UST: variants seen among roughly 807,000 people sequenced by gnomAD.
The protein encoded by UST is chondroitin sulfate 2-O-sulfotransferase.
In UST, 21 loss-of-function variants were observed where a neutral mutation model predicts 45.6. The ratio of observed to expected loss-of-function variants is 0.46; its 90% CI spans 0.33 to 0.66. The LOEUF (loss-of-function observed/expected upper bound fraction) is 0.66. UST is among the 30% of genes least tolerant of loss of function. The pLI, the probability that UST is intolerant of heterozygous loss-of-function variation, is 0.02. For missense variants in UST, 463 were observed against 512.4 expected, an observed-to-expected ratio of 0.90 and a Z score of 0.93; for synonymous variants, 215 against 200.6, an observed-to-expected ratio of 1.07 and a Z score of -0.61.
intron 2 of UST, among the ~76,000 whole-genome samples, chr6:148,922,965 T>A (rs748496055): frequency 2.2e-4 from 34 of 151,920 alleles, no homozygotes; most frequent in Non-Finnish European, 4.6e-4. Flanking sequence ...GCTAATTTTT[T>A]AATTTTTAGT....
At chr6:148,846,612 A>T (rs1777996970) in intron 1 of UST, among the ~76,000 whole-genome samples, 1 of 152,082 alleles carries the variant, frequency 6.6e-6, no homozygotes, top group African/African-American at 2.4e-5. Flanking sequence ...ATAATAAAAA[A>T]TAAAAATAAA....
At chr6:149,003,210 A>G (rs1223110699) in intron 5 of UST, among the ~76,000 whole-genome samples, 1 of 152,196 alleles carries the variant, frequency 6.6e-6, no homozygotes, top group Non-Finnish European at 1.5e-5. Flanking sequence ...ACTGTATTAG[A>G]ATAGTATGGT....
At chr6:148,900,880 G>C (rs1562294277) in intron 2 of UST, among the ~76,000 whole-genome samples, 1 of 152,164 alleles carries the variant, frequency 6.6e-6, no homozygotes, top group Non-Finnish European at 1.5e-5. Context: ...GACTTTTCCA[G>C]CTTCTAGAGG....
intron 7 of UST, among the ~76,000 whole-genome samples, chr6:149,063,830 T>A (rs1776693523): frequency 1.3e-5 from 2 of 152,166 alleles, no homozygotes; most frequent in Non-Finnish European, 2.9e-5. Context: ...TCCTGATCAC[T>A]CAGTATAAAA....
chr6:148,787,777 G>A (rs1040772011), intron 1 of UST, among the ~76,000 whole-genome samples: 4 of 152,114 alleles, frequency 2.6e-5, no homozygotes, highest in African/African-American at 9.7e-5. Flanking sequence ...AAATTGCTTT[G>A]AGCAGTGTGG....
intron 2 of UST, among the ~76,000 whole-genome samples, chr6:148,940,289 C>A (rs997535057): frequency 5.9e-5 from 9 of 151,680 alleles, no homozygotes; most frequent in African/African-American, 2.2e-4. Context: ...GAGTTTGAGA[C>A]CAGCTTGGGC....
chr6:148,868,547 A>C (rs1778489753), intron 1 of UST, among the ~76,000 whole-genome samples: 1 of 152,178 alleles, frequency 6.6e-6, no homozygotes, highest in South Asian at 2.1e-4. Context: ...GGATTTCCCA[A>C]CTCATTTTGT....
intron 7 of UST, among the ~76,000 whole-genome samples, chr6:149,036,728 C>G: frequency 6.6e-6 from 1 of 152,302 alleles, no homozygotes; most frequent in South Asian, 2.1e-4. Flanking sequence ...GATTATAGTA[C>G]TGGTAAAATT....
intron 1 of UST, among the ~76,000 whole-genome samples, chr6:148,783,949 AC>A (rs1333946033): frequency 1.3e-5 from 2 of 152,110 alleles, no homozygotes; most frequent in Non-Finnish European, 2.9e-5. Flanking sequence ...AAGTCACACA[AC>A]CCGGCCTAGA....
At chr6:148,831,841 A>G (rs1777693687) in intron 1 of UST, among the ~76,000 whole-genome samples, 1 of 152,156 alleles carries the variant, frequency 6.6e-6, no homozygotes, top group Non-Finnish European at 1.5e-5. Context: ...TGAGACCCAG[A>G]TTGCTTAAAT....
At chr6:148,892,272 T>A (rs1288441955) in intron 2 of UST, among the ~76,000 whole-genome samples, 2 of 152,210 alleles carry the variant, frequency 1.3e-5, no homozygotes, top group African/African-American at 4.8e-5. Context: ...ATGTTTCTGT[T>A]GTTTGTGAAA....
At chr6:148,914,758 T>G (rs1779549625) in intron 2 of UST, among the ~76,000 whole-genome samples, 1 of 152,210 alleles carries the variant, frequency 6.6e-6, no homozygotes, top group Non-Finnish European at 1.5e-5. Context: ...CCAGTACCAG[T>G]CCATAGCCCA....
chr6:148,956,738 A>G (rs1780518073), intron 4 of UST, among the ~76,000 whole-genome samples: 1 of 152,202 alleles, frequency 6.6e-6, no homozygotes, highest in Non-Finnish European at 1.5e-5. Flanking sequence ...ATTTTACTCA[A>G]TTAAACACAT....
chr6:149,013,526 C>CAA (rs71678676), intron 5 of UST, among the ~76,000 whole-genome samples: 10 of 145,356 alleles, frequency 6.9e-5, no homozygotes, highest in East Asian at 4.0e-4. Context: ...AACTCTGTCT[C>CAA]AAAAAAAAAA....
chr6:148,922,037 A>G (rs1346839311), intron 2 of UST, among the ~76,000 whole-genome samples: 1 of 152,218 alleles, frequency 6.6e-6, no homozygotes, highest in East Asian at 1.9e-4. Context: ...AGAGCACTGG[A>G]AAGTCTCATG....
intron 7 of UST, among the ~76,000 whole-genome samples, chr6:149,038,374 C>T (rs1312458943): frequency 6.7e-6 from 1 of 149,256 alleles, no homozygotes; most frequent in Non-Finnish European, 1.5e-5. Flanking sequence ...TGACTTGTGC[C>T]CTTAAAAGGA....
rs565214644 is a variant in UST, at chr6:148,874,232, ACATATT to A, written c.248-12753_248-12748del. On this transcript the variant is annotated intron_variant, in intron 1 of 7. Coordinates refer to ENST00000367463, the MANE Select transcript of UST (RefSeq NM_005715.3). ...ATTCCTGAGCTAATTTGGAAATTAT[ACATATT>A]TATATTTCGGTTGTTATTATAGCAG... 8.4e-3 allele frequency among the ~76,000 whole-genome samples: 1,282 copies of A among 152,360 alleles called. 21 individuals are homozygous for A. Among genetic ancestry groups the A allele is most frequent in the African/African-American group, 0.029 (1,210 of 41,568 alleles).
intron 4 of UST, among the ~76,000 whole-genome samples, chr6:148,959,991 C>G (rs1160852130): frequency 1.3e-5 from 2 of 152,004 alleles, no homozygotes; most frequent in Non-Finnish European, 2.9e-5. Flanking sequence ...GCAAAGGGCC[C>G]TTTAACAGCC....
Position 148,995,079 on chromosome 6 carries a change from C to G in UST, c.682-24060C>G, listed in dbSNP as rs577260610. 3.1e-4 allele frequency among the ~76,000 whole-genome samples: 47 copies of G among 152,208 alleles called. 1 individual carries two copies. The South Asian group carries it at 9.8e-3, about 32-fold the overall frequency. On this transcript the variant is annotated intron_variant, in intron 5 of 7. Transcript: ENST00000367463. ...TCACTCTGTCGCACAAGCTGGAGTG[C>G]AGTGGGGCGATCTCGGCTCACTGCA...
Sources: gnomAD v4.1 joint callset for allele counts (sites outside exome capture counted in the v4.1 genomes callset) on GRCh38, gnomAD v4.1.1 for gene constraint, MANE v1.5 for transcripts, NCBI Gene and HGNC (gene_info 2026-07-23, HGNC 2026-07-21) for gene names.